Variants in FRAS1 observed in about 807,000 individuals in gnomAD.
FRAS1 encodes extracellular matrix organizing protein FRAS1.
Under a neutral mutation model 435.2 loss-of-function variants are expected in FRAS1, and 290 were observed. The ratio of observed to expected loss-of-function variants is 0.67; its 90% CI spans 0.61 to 0.73. The LOEUF is 0.73. FRAS1 is among the 30% of genes least tolerant of loss of function. FRAS1 has a pLI of 0.00. For synonymous variants in FRAS1, 1,800 were observed against 1,851.0 expected, an observed-to-expected ratio of 0.97 and a Z score of 0.71; for missense variants, 4,860 against 5,001.5, an observed-to-expected ratio of 0.97 and a Z score of 0.85.
At chr4:78,088,718 A>T (rs1377703994) in intron 2 of FRAS1, among the ~76,000 whole-genome samples, 2 of 152,144 alleles carry the variant, frequency 1.3e-5, no homozygotes, top group Non-Finnish European at 2.9e-5. Context: ...GCAAATCAAA[A>T]CCACAATGAG....
Position 78,057,708 on chromosome 4 carries a change from C to T in FRAS1, c.-302C>T, listed in dbSNP as rs1175119311. 4.6e-6 allele frequency: 2 copies of T among 435,956 alleles called. No homozygotes were observed. Among genetic ancestry groups the T allele is most frequent in the Non-Finnish European group, 8.2e-6 (2 of 243,964 alleles). The allele number at this position is 435,956 out of a possible 1,614,324, so 27.0% of individuals were successfully genotyped here. ...CAGCAACTTTCCGGCGAGATTTTGA[C>T]GCGGAGAACTGTGCTCTGCCTCCTC... On this transcript the variant is annotated 5_prime_UTR_variant, in exon 1 of 74. It adds an upstream start codon to the 5' untranslated region. Transcript: ENST00000512123. The surrounding 1 kb of genome is among the most constrained non-coding windows in gnomAD (Gnocchi z 4.2).
At chr4:78,457,204 C>T (rs1560739168) in intron 47 of FRAS1, among the ~76,000 whole-genome samples, 1 of 152,190 alleles carries the variant, frequency 6.6e-6, no homozygotes, top group East Asian at 1.9e-4. Context: ...GGGAAAGCCA[C>T]AATTGCTTTC....
chr4:78,235,480 A>C (rs1724712778), intron 2 of FRAS1, among the ~76,000 whole-genome samples: 1 of 152,168 alleles, frequency 6.6e-6, no homozygotes, highest in African/African-American at 2.4e-5. Context: ...TTGTTGACTA[A>C]GGAAAACAGG....
chr4:78,290,732 G>A (rs1423102513), intron 14 of FRAS1, among the ~76,000 whole-genome samples: 1 of 150,594 alleles, frequency 6.6e-6, no homozygotes, highest in East Asian at 1.9e-4. Context: ...TTACAGGGGT[G>A]AGCCACCACA....
chr4:78,132,097 G>T (rs557921577), intron 2 of FRAS1, among the ~76,000 whole-genome samples: 95 of 152,284 alleles, frequency 6.2e-4, no homozygotes, highest in Middle Eastern at 3.4e-3. Flanking sequence ...GGTCTGTAAG[G>T]CTGGTGTCCT....
chr4:78,373,100 A>G (rs962187676), intron 24 of FRAS1, among the ~76,000 whole-genome samples: 1 of 152,136 alleles, frequency 6.6e-6, no homozygotes, highest in Non-Finnish European at 1.5e-5. Flanking sequence ...GGACCACACA[A>G]ACAGGTATGT....
intron 38 of FRAS1, among the ~76,000 whole-genome samples, chr4:78,437,973 T>A (rs1044169945): frequency 1.3e-5 from 2 of 152,116 alleles, no homozygotes; most frequent in African/African-American, 4.8e-5. Flanking sequence ...AAGTGAACAT[T>A]CATAGATTTG....
chr4:78,309,222 T>A (rs1242714930), intron 15 of FRAS1, among the ~76,000 whole-genome samples: 2 of 152,228 alleles, frequency 1.3e-5, no homozygotes, highest in African/African-American at 4.8e-5. Flanking sequence ...GAACAGATTC[T>A]ACCCCTAAAG....
chr4:78,438,782 C>T, intron 39 of FRAS1, 64 bp downstream of exon 39: 1 of 1,506,316 alleles, frequency 6.6e-7, no homozygotes, highest in Non-Finnish European at 9.1e-7. Flanking sequence ...ATTTCAGCAA[C>T]TGGTTGTAGC....
At chr4:78,453,509 C>T (rs988116878) in intron 47 of FRAS1, among the ~76,000 whole-genome samples, 3 of 152,142 alleles carry the variant, frequency 2.0e-5, no homozygotes, top group African/African-American at 7.2e-5. Context: ...GCTGAATAAA[C>T]AATCTAGAGC....
At chr4:78,105,872 C>T (rs1014574807) in intron 2 of FRAS1, among the ~76,000 whole-genome samples, 9 of 140,066 alleles carry the variant, frequency 6.4e-5, no homozygotes, top group South Asian at 2.2e-4. Flanking sequence ...AGACAGTGGG[C>T]GCAGGCCAGT....
chr4:78,388,692 C>T (rs1009221330), intron 29 of FRAS1, among the ~76,000 whole-genome samples: 2 of 151,660 alleles, frequency 1.3e-5, no homozygotes, highest in African/African-American at 4.8e-5. Context: ...CCTATAGTCT[C>T]CACTACTCAG....
intron 58 of FRAS1, among the ~76,000 whole-genome samples, chr4:78,486,825 T>G (rs1341786258): frequency 8.3e-6 from 1 of 120,944 alleles, no homozygotes; most frequent in African/African-American, 3.4e-5. Flanking sequence ...TCTTTCTCTC[T>G]CTCTATTTTT....
At chr4:78,195,247 C>T (rs534730846) in intron 2 of FRAS1, among the ~76,000 whole-genome samples, 10 of 152,324 alleles carry the variant, frequency 6.6e-5, no homozygotes, top group East Asian at 1.9e-4. Context: ...GCAGTCTGTC[C>T]GTTCTCAGAT....
chr4:78,095,955 C>T (rs1741782975), intron 2 of FRAS1, among the ~76,000 whole-genome samples: 1 of 152,204 alleles, frequency 6.6e-6, no homozygotes, highest in Non-Finnish European at 1.5e-5. Flanking sequence ...TTACCTCATT[C>T]CAACATTAAC....
At chr4:78,209,954 G>A (rs1723433211) in intron 2 of FRAS1, among the ~76,000 whole-genome samples, 2 of 152,242 alleles carry the variant, frequency 1.3e-5, no homozygotes, top group Middle Eastern at 6.8e-3. Flanking sequence ...GCGGTTCTCA[G>A]GCTGTGTCCT....
chr4:78,421,538 C>A (rs937328675), intron 33 of FRAS1, among the ~76,000 whole-genome samples: 2 of 152,178 alleles, frequency 1.3e-5, no homozygotes, highest in Non-Finnish European at 2.9e-5. Context: ...CCCACTGACT[C>A]AAATATTTAT....
chr4:78,321,038 CA>C (rs1729484344), intron 18 of FRAS1, among the ~76,000 whole-genome samples: 1 of 152,210 alleles, frequency 6.6e-6, no homozygotes, highest in Non-Finnish European at 1.5e-5. Flanking sequence ...CCACATTAAA[CA>C]TTCAAAAATG....
At chr4:78,239,749 A>C (rs1307460847) in intron 3 of FRAS1, among the ~76,000 whole-genome samples, 2 of 152,188 alleles carry the variant, frequency 1.3e-5, no homozygotes, top group African/African-American at 4.8e-5. Context: ...GCAAAGTGCA[A>C]AGGCTCTATG....
Sources: allele counts gnomAD v4.1 joint callset (sites outside exome capture counted in the v4.1 genomes callset), GRCh38; gene constraint gnomAD v4.1.1; non-coding constraint Gnocchi (gnomAD v3.1); transcripts MANE v1.5; gene names NCBI Gene and HGNC (gene_info 2026-07-23, HGNC 2026-07-21).